The following CCNB2 variants were observed in gnomAD, a reference collection of about 807,000 sequenced individuals.
CCNB2 encodes G2/mitotic-specific cyclin-B2.
In CCNB2, 39 loss-of-function variants were observed where a neutral mutation model predicts 51.1. The ratio of observed to expected loss-of-function variants is 0.76; its 90% CI spans 0.59 to 1.00. CCNB2 has a LOEUF of 1.00. CCNB2 is among the 50% of genes least tolerant of loss of function. CCNB2 has a pLI of 0.00. For missense variants in CCNB2, 472 were observed against 470.3 expected (o/e 1.00, Z -0.03); for synonymous variants, 174 against 165.5 (o/e 1.05, Z -0.40).
intron 7 of CCNB2, among the ~76,000 whole-genome samples, chr15:59,118,148 A>G (rs2079286727): frequency 6.6e-6 from 1 of 152,254 alleles, no homozygotes; most frequent in Admixed American, 6.5e-5. Context: ...TGACTGATTT[A>G]GCCAGTAAGA....
intron 7 of CCNB2, among the ~76,000 whole-genome samples, chr15:59,119,928 G>A (rs28383550): frequency 1.4e-4 from 22 of 152,130 alleles, no homozygotes; most frequent in Admixed American, 3.9e-4. Flanking sequence ...GGCTGGTCTC[G>A]AACTCCTAGG....
intron 3 of CCNB2, among the ~76,000 whole-genome samples, chr15:59,109,922 G>A (rs1012001909): frequency 6.6e-6 from 1 of 152,188 alleles, no homozygotes; most frequent in Admixed American, 6.5e-5. Context: ...GGGGGCCGGA[G>A]CCTGCAGTGA....
At chr15:59,122,293 G>C (rs1233912033) in intron 7 of CCNB2, among the ~76,000 whole-genome samples, 1 of 105,278 alleles carries the variant, frequency 9.5e-6, no homozygotes. Context: ...CTGTCACCCA[G>C]ACTGGAGTGC....
intron 5 of CCNB2, among the ~76,000 whole-genome samples, chr15:59,115,326 A>G (rs534265302): frequency 1.5e-3 from 233 of 152,238 alleles, no homozygotes; most frequent in African/African-American, 5.2e-3. Context: ...TCATTGAATC[A>G]CTGTAGAAGA....
rs555169880 is a variant in CCNB2 at position 59,107,041 on chromosome 15, G to A, written c.25-281G>A. On this transcript the variant is annotated intron_variant, in intron 1 of 8. Transcript: ENST00000288207. ...TAATCATTAAATACTAATAAGCTTT[G>A]AAGTTCTCTTACAGGCCCACTTGAA... is the stretch of plus-strand genomic sequence containing the variant. Among the ~76,000 whole-genome samples the A allele has an allele frequency of 3.9e-5, 6 of 152,294 alleles. No homozygotes were observed. In the East Asian group the frequency reaches 1.2e-3, roughly 29 times the overall value.
rs758420783 is a variant in CCNB2 at position 59,114,758 on chromosome 15, A to C, written c.479A>C (p.Asp160Ala). The C allele has an allele frequency of 1.2e-6, 2 of 1,614,090 alleles. No homozygotes were observed. Among genetic ancestry groups the C allele is most frequent in the African/African-American group, 2.7e-5 (2 of 75,064 alleles). The stretch of plus-strand genomic sequence containing the variant: ...AACCCACATTTCTTAGATGGAAGAG[A>C]TATAAATGGACGCATGCGTGCCATC... ...SINPHFLDGRDINGRMRAILV... is the reference protein window; with the variant it reads ...SINPHFLDGRAINGRMRAILV... Residue 160 changes from aspartate to alanine, a missense_variant, in exon 5 of 9, where the codon GAT becomes GCT. Physicochemically the swap from Asp to Ala is moderately radical, Grantham distance 126. Coordinates refer to ENST00000288207, the MANE Select transcript of CCNB2 (RefSeq NM_004701.4).
At position 59,107,614 on chromosome 15, in the gene CCNB2, C is replaced by A; in HGVS notation, c.211C>A (p.Gln71Lys). 1 of 1,614,144 alleles carries A rather than the reference C, an allele frequency of 6.2e-7. No homozygotes were observed. The change falls in exon 3 of 9, where the codon CAA (glutamine) becomes AAA (lysine). Residue 71 changes from glutamine (Q) to lysine (K), a missense_variant. By Grantham distance (53) the Gln-to-Lys change is moderately conservative (BLOSUM62 1). Coordinates refer to ENST00000288207, the MANE Select transcript of CCNB2 (RefSeq NM_004701.4). Reference sequence around the variant, plus strand: ...CACCAAAACAACAAATGTCAACAAACAACTGAAACCTACTGCTTCTGTCAA... The same window carrying A: ...CACCAAAACAACAAATGTCAACAAAAAACTGAAACCTACTGCTTCTGTCAA... ...QPTKTTNVNK[Q>K]LKPTASVKPV...
Position 59,107,328 on chromosome 15 carries a change from A to G in CCNB2, c.31A>G (p.Ser11Gly). The change falls in exon 2 of 9, where the codon AGT becomes GGT. Residue 11 changes from serine (S) to glycine (G), a missense_variant. Coordinates refer to ENST00000288207, the MANE Select transcript of CCNB2 (RefSeq NM_004701.4). MALLRRPTVS[S>G]DLENIDTGVN... ...TTTTTTTTTTTTTTTTCAGGTGTCC[A>G]GTGATTTGGAGAATATTGACACAGG... The G allele has an allele frequency of 6.4e-7, 1 of 1,561,296 alleles. No individual in the cohort carries two copies.
intron 3 of CCNB2, among the ~76,000 whole-genome samples, chr15:59,112,322 C>A (rs2079260772): frequency 6.6e-6 from 1 of 151,496 alleles, no homozygotes. Context: ...AAATTATAAT[C>A]ATTGAGCTTT....
At chr15:59,106,899 C>T (rs979908994) in intron 1 of CCNB2, among the ~76,000 whole-genome samples, 18 of 152,200 alleles carry the variant, frequency 1.2e-4, no homozygotes, top group African/African-American at 4.3e-4. Context: ...AATATTATAG[C>T]TTTATTATTT....
chr15:59,108,309 G>C (rs1382122191), intron 3 of CCNB2, among the ~76,000 whole-genome samples: 5 of 152,318 alleles, frequency 3.3e-5, no homozygotes, highest in African/African-American at 1.2e-4. Context: ...TGGATTTGAA[G>C]GACTTGGAAT....
At chr15:59,105,393 G>A in intron 1 of CCNB2, 101 bp downstream of exon 1, 1 of 1,336,412 alleles carries the variant, frequency 7.5e-7, no homozygotes, top group Non-Finnish European at 1.0e-6. Flanking sequence ...CCCAACCGGG[G>A]CTGCTTTTCT....
intron 7 of CCNB2, among the ~76,000 whole-genome samples, chr15:59,118,254 A>G (rs1399755492): frequency 6.6e-6 from 1 of 152,230 alleles, no homozygotes; most frequent in Non-Finnish European, 1.5e-5. Context: ...GTGGAAACAA[A>G]TGGAGCTGGA....
intron 3 of CCNB2, among the ~76,000 whole-genome samples, chr15:59,111,529 T>G (rs543397601): frequency 6.6e-6 from 1 of 152,366 alleles, no homozygotes; most frequent in African/African-American, 2.4e-5. Flanking sequence ...CTGCATATGC[T>G]TATTACAATG....
chr15:59,117,595 A>AGGTAG (rs1467490227), intron 7 of CCNB2, among the ~76,000 whole-genome samples: 1 of 152,116 alleles, frequency 6.6e-6, no homozygotes, highest in Admixed American at 6.5e-5. Context: ...CAGCCTCCCG[A>AGGTAG]GTAGCAGGGA....
At chr15:59,116,586 G>T in intron 5 of CCNB2, 104 bp from the exon 6 acceptor site, 1 of 787,948 alleles carries the variant, frequency 1.3e-6, no homozygotes. Context: ...TATGAGCAAA[G>T]ACAATGTGCA....
chr15:59,119,566 CAA>C (rs2079293755), intron 7 of CCNB2, among the ~76,000 whole-genome samples: 1 of 151,698 alleles, frequency 6.6e-6, no homozygotes, highest in African/African-American at 2.4e-5. Context: ...GTGGTAACAT[CAA>C]GTTTACTTAG....
At chr15:59,112,820 G>A (rs137896546) in intron 3 of CCNB2, among the ~76,000 whole-genome samples, 1,697 of 151,670 alleles carry the variant, frequency 0.011, 18 homozygotes, top group Non-Finnish European at 0.017. Context: ...GGATCACAAG[G>A]TCAGGAGATC....
At chr15:59,108,352 A>G (rs2079244542) in intron 3 of CCNB2, among the ~76,000 whole-genome samples, 1 of 152,194 alleles carries the variant, frequency 6.6e-6, no homozygotes, top group South Asian at 2.1e-4. Context: ...TTGAGGAAAC[A>G]AAGTTTTGAG....
Sources: gnomAD v4.1 joint callset for allele counts (sites outside exome capture counted in the v4.1 genomes callset) on GRCh38, gnomAD v4.1.1 for gene constraint, MANE v1.5 for transcripts, NCBI Gene and HGNC (gene_info 2026-07-23, HGNC 2026-07-21) for gene names.